COL8A1: variants seen among roughly 807,000 people sequenced by gnomAD.
COL8A1 encodes the protein collagen type VIII alpha 1 chain, also known as collagen alpha-1(VIII) chain.
COL8A1 carries 21 observed loss-of-function variants against 42.7 expected under a neutral mutation model. The observed-to-expected ratio is 0.49, with a 90% CI of 0.35 to 0.71. COL8A1 has a LOEUF of 0.71. Among genes scored for constraint, COL8A1 ranks in the 30% least tolerant of loss-of-function variants. The pLI is 0.01. For synonymous variants in COL8A1, 367 were observed against 369.1 expected, an observed-to-expected ratio of 0.99 and a Z score of 0.06; for missense variants, 788 against 962.4, an observed-to-expected ratio of 0.82 and a Z score of 2.40.
rs59434584 is a variant in COL8A1 at position 99,653,880 on chromosome 3, T to C, written c.-129+15216T>C. Reference sequence around the variant, plus strand: ...AGAGGGACAGAGCTAATAGGATAGATGTATTTATGAAAGGGAGTTTATTAA... The same window carrying C: ...AGAGGGACAGAGCTAATAGGATAGACGTATTTATGAAAGGGAGTTTATTAA... On this transcript the variant is annotated intron_variant, in intron 1 of 3. Coordinates refer to ENST00000652472, the MANE Select transcript of COL8A1 (RefSeq NM_020351.4). Among the ~76,000 whole-genome samples, 1,456 of 152,098 alleles carry C rather than the reference T, an allele frequency of 9.6e-3. 21 individuals are homozygous for C. Among genetic ancestry groups the C allele is most frequent in the African/African-American group, 0.033 (1,372 of 41,470 alleles).
intron 1 of COL8A1, among the ~76,000 whole-genome samples, chr3:99,677,209 CAAG>C (rs1203398578): frequency 1.3e-5 from 2 of 151,864 alleles, no homozygotes; most frequent in Non-Finnish European, 2.9e-5. Context: ...GAATGAACAT[CAAG>C]AAATGACTGT....
intron 1 of COL8A1, among the ~76,000 whole-genome samples, chr3:99,639,581 A>G (rs1330747570): frequency 6.6e-6 from 1 of 152,230 alleles, no homozygotes; most frequent in African/African-American, 2.4e-5. Flanking sequence ...AGAGATATTC[A>G]GTGTTTAAGC....
At chr3:99,753,109 G>T (rs1941186048) in intron 2 of COL8A1, among the ~76,000 whole-genome samples, 1 of 152,154 alleles carries the variant, frequency 6.6e-6, no homozygotes, top group Non-Finnish European at 1.5e-5. Context: ...TATCTCAATG[G>T]TTCTCAAACT....
At chr3:99,706,147 A>G (rs1939675175) in intron 1 of COL8A1, among the ~76,000 whole-genome samples, 2 of 152,044 alleles carry the variant, frequency 1.3e-5, no homozygotes, top group Admixed American at 1.3e-4. Flanking sequence ...CTTCTGTACA[A>G]CCTCACCCTA....
chr3:99,736,304 C>T (rs1179227269), intron 1 of COL8A1, among the ~76,000 whole-genome samples: 2 of 152,092 alleles, frequency 1.3e-5, no homozygotes, highest in African/African-American at 2.4e-5. Context: ...TATAAATTTC[C>T]CTCTACACAC....
At chr3:99,780,426 G>A (rs1013315408) in intron 2 of COL8A1, among the ~76,000 whole-genome samples, 1 of 152,094 alleles carries the variant, frequency 6.6e-6, no homozygotes, top group Non-Finnish European at 1.5e-5. Flanking sequence ...TAGGCACTGG[G>A]CTTCTACAAC....
intron 2 of COL8A1, among the ~76,000 whole-genome samples, chr3:99,769,499 T>A (rs1457272953): frequency 6.6e-6 from 1 of 152,250 alleles, no homozygotes. Context: ...TGAGACAGTG[T>A]CCTGTCATTA....
At chr3:99,670,543 A>G (rs1216172374) in intron 1 of COL8A1, among the ~76,000 whole-genome samples, 2 of 152,052 alleles carry the variant, frequency 1.3e-5, no homozygotes, top group Non-Finnish European at 2.9e-5. Flanking sequence ...ATTTTTTGAT[A>G]TATGTATACA....
chr3:99,640,277 C>A (rs534104350), intron 1 of COL8A1, among the ~76,000 whole-genome samples: 1 of 152,320 alleles, frequency 6.6e-6, no homozygotes, highest in African/African-American at 2.4e-5. Context: ...TGCCACAATG[C>A]AGACTGCTTG....
intron 1 of COL8A1, among the ~76,000 whole-genome samples, chr3:99,724,495 C>A (rs1345383065): frequency 1.3e-5 from 2 of 152,094 alleles, no homozygotes; most frequent in Non-Finnish European, 2.9e-5. Context: ...CCCTGGAAGA[C>A]TATCAAGTTC....
At chr3:99,714,352 C>T (rs1576444131) in intron 1 of COL8A1, among the ~76,000 whole-genome samples, 1 of 151,966 alleles carries the variant, frequency 6.6e-6, no homozygotes, top group East Asian at 1.9e-4. Flanking sequence ...AAAGCATAAG[C>T]ATTTGGACAG....
At chr3:99,699,112 C>T (rs545996057) in intron 1 of COL8A1, among the ~76,000 whole-genome samples, 1 of 152,280 alleles carries the variant, frequency 6.6e-6, no homozygotes, top group Admixed American at 6.5e-5. Flanking sequence ...CTCACCACAC[C>T]CACTGCATAT....
At chr3:99,737,002 C>G (rs972287994) in intron 1 of COL8A1, among the ~76,000 whole-genome samples, 1 of 152,076 alleles carries the variant, frequency 6.6e-6, no homozygotes, top group African/African-American at 2.4e-5. Context: ...TTCTTTGTCT[C>G]TTTTGATCTT....
At chr3:99,730,909 T>A (rs927320272) in intron 1 of COL8A1, among the ~76,000 whole-genome samples, 1 of 152,146 alleles carries the variant, frequency 6.6e-6, no homozygotes, top group Non-Finnish European at 1.5e-5. Flanking sequence ...AAAATGCCCA[T>A]ATAGTTTACA....
chr3:99,639,115 C>T lies in COL8A1; in HGVS notation c.-129+451C>T, dbSNP rs77121780. 4.6e-3 allele frequency among the ~76,000 whole-genome samples: 693 copies of T among 152,154 alleles called. 6 individuals are homozygous for T. The highest frequency in any genetic ancestry group is 0.015 in the African/African-American group (634 of 41,526). On this transcript the variant is annotated intron_variant, in intron 1 of 3. Coordinates refer to ENST00000652472, the MANE Select transcript of COL8A1 (RefSeq NM_020351.4). ...ACAATTTTGTGATGTTTTCCAAACC[C>T]CCAAGACAGCTTCTGTGAGTCCTTT...
At chr3:99,682,559 TG>T (rs773594645) in intron 1 of COL8A1, among the ~76,000 whole-genome samples, 6 of 152,066 alleles carry the variant, frequency 3.9e-5, no homozygotes, top group Non-Finnish European at 7.4e-5. Context: ...CTTATAAGGT[TG>T]GGGTACTTCT....
chr3:99,684,260 T>C (rs1938981034), intron 1 of COL8A1, among the ~76,000 whole-genome samples: 1 of 152,148 alleles, frequency 6.6e-6, no homozygotes, highest in South Asian at 2.1e-4. Context: ...TACTGGACAT[T>C]TTATATATAT....
chr3:99,770,242 G>C (rs145874230), intron 2 of COL8A1, among the ~76,000 whole-genome samples: 7 of 152,274 alleles, frequency 4.6e-5, no homozygotes, highest in Non-Finnish European at 8.8e-5. Context: ...TTTCAGGACA[G>C]GTAGGTCAGA....
chr3:99,735,300 CTCT>C (rs1235249185), intron 1 of COL8A1, among the ~76,000 whole-genome samples: 1 of 113,056 alleles, frequency 8.8e-6, no homozygotes, highest in African/African-American at 3.8e-5. Flanking sequence ...TCATAGATAG[CTCT>C]TATTATTTTG....
Sources: allele counts gnomAD v4.1 joint callset (sites outside exome capture counted in the v4.1 genomes callset), GRCh38; gene constraint gnomAD v4.1.1; transcripts MANE v1.5; gene names NCBI Gene and HGNC (gene_info 2026-07-23, HGNC 2026-07-21).